PXDN: variants seen among roughly 807,000 people sequenced by gnomAD.
PXDN encodes the protein peroxidasin.
Under a neutral mutation model 140.3 loss-of-function variants are expected in PXDN, and 77 were observed. The ratio of observed to expected loss-of-function variants is 0.55; its 90% CI spans 0.46 to 0.66. PXDN has a LOEUF of 0.66. PXDN is among the 30% of genes least tolerant of loss of function. The pLI, the probability that PXDN is intolerant of heterozygous loss-of-function variation, is 0.00. For synonymous variants in PXDN, 911 were observed against 857.4 expected, an observed-to-expected ratio of 1.06 and a Z score of -1.09; for missense variants, 1,838 against 2,039.5, an observed-to-expected ratio of 0.90 and a Z score of 1.90.
In PXDN at chr2:1,682,382, A is replaced by C. The variant is rs748438135; in HGVS notation, c.560+1274T>G. On this transcript the variant is annotated intron_variant, in intron 6 of 22. Transcript: ENST00000252804. ...AAATCACATATAGTTCTGAAGGTCT[A>C]TGTTTTACTCCACTTTATTTCACTG... Among the ~76,000 whole-genome samples, 6 of 152,204 alleles carry C rather than the reference A, an allele frequency of 3.9e-5. No individual in the cohort carries two copies. In the South Asian group the frequency reaches 6.2e-4, roughly 16 times the overall value.
In PXDN at chr2:1,648,442, C is replaced by A; in HGVS notation, c.3338G>T (p.Gly1113Val). 2 of 1,610,472 alleles carry A rather than the reference C, an allele frequency of 1.2e-6. No individual in the cohort carries two copies. Among genetic ancestry groups the A allele is most frequent in the Non-Finnish European group, 1.7e-6 (2 of 1,179,822 alleles). ...CAGCCCCCTGAGAAGCGGATCGATG[C>A]CGCCCTCATTCACAATCCGGAAGGG... ...FSPFRIVNEG[G>V]IDPLLRGLFG... Residue 1113 changes from glycine to valine, a missense_variant, in exon 17 of 23, where the codon GGC becomes GTC. By Grantham distance (109) the Gly-to-Val change is moderately radical. Transcript: ENST00000252804. The surrounding 1 kb of genome is among the most constrained non-coding windows in gnomAD (Gnocchi z 8.9).
chr2:1,659,581 G>A (rs1683255276), intron 14 of PXDN, among the ~76,000 whole-genome samples: 1 of 152,052 alleles, frequency 6.6e-6, no homozygotes, highest in Non-Finnish European at 1.5e-5. Flanking sequence ...GTATTTTTGG[G>A]GGATGGAATT....
chr2:1,697,497 A>T (rs1457620704), intron 1 of PXDN, among the ~76,000 whole-genome samples: 1 of 152,266 alleles, frequency 6.6e-6, no homozygotes, highest in Non-Finnish European at 1.5e-5. Flanking sequence ...GGGCAGAATA[A>T]GACTGTGGGG....
chr2:1,649,362 C>T lies in PXDN; in HGVS notation c.2418G>A (p.Glu806=), dbSNP rs751060802. Residue 806 remains glutamate (E), a synonymous_variant, in exon 17 of 23, where the codon GAG becomes GAA. Transcript: ENST00000252804. The surrounding 1 kb of genome is among the most constrained non-coding windows in gnomAD (Gnocchi z 7.1). ...RLVSTTLIGT[E]TVTPDEQFTH... ...TGAACTGCTCGTCGGGTGTGACGGTCTCCGTCCCGATCAGGGTGGTGGACA... is the reference window on the plus strand; with the variant it reads ...TGAACTGCTCGTCGGGTGTGACGGTTTCCGTCCCGATCAGGGTGGTGGACA... 9.9e-6 allele frequency: 16 copies of T among 1,613,956 alleles called. No homozygotes were observed. Among genetic ancestry groups the T allele is most frequent in the Non-Finnish European group, 1.4e-5 (16 of 1,179,894 alleles).
chr2:1,647,896 G>A (rs1682888113), intron 17 of PXDN, among the ~76,000 whole-genome samples: 1 of 152,166 alleles, frequency 6.6e-6, no homozygotes, highest in Admixed American at 6.5e-5. Flanking sequence ...AGCTGAAAAT[G>A]TGCCACAGCT....
At chr2:1,673,883 A>G in intron 8 of PXDN, 71 bp from the exon 9 acceptor site, 1 of 1,526,096 alleles carries the variant, frequency 6.6e-7, no homozygotes. Flanking sequence ...TCCCCAGCAC[A>G]GGGGTTTCCA....
intron 1 of PXDN, among the ~76,000 whole-genome samples, chr2:1,733,690 C>T (rs953310628): frequency 4.5e-5 from 6 of 133,600 alleles, no homozygotes; most frequent in African/African-American, 1.4e-4. Context: ...TGCAGTGAGC[C>T]GAGATGGTGC....
chr2:1,684,378 G>A (rs984221878), intron 4 of PXDN, among the ~76,000 whole-genome samples: 4 of 152,160 alleles, frequency 2.6e-5, no homozygotes, highest in South Asian at 4.2e-4. Flanking sequence ...TAAGGGCGAG[G>A]GAGGCCTAGA....
In PXDN at chr2:1,649,131, A is replaced by G. The variant is rs776048018; in HGVS notation, c.2649T>C (p.Pro883=). 8 of 1,609,718 alleles carry G rather than the reference A, an allele frequency of 5.0e-6. No individual in the cohort carries two copies. The highest frequency in any genetic ancestry group is 6.8e-6 in the Non-Finnish European group (8 of 1,178,422). The change falls in exon 17 of 23, where the codon CCT becomes CCC. Residue 883 remains proline (P), a synonymous_variant. Transcript: ENST00000252804. This position sits in a 1 kb window ranked among gnomAD's most constrained non-coding sequence, Gnocchi z 7.1. ...ARCMFFVRSS[P]VCGSGMTSLL... is the part of the protein sequence containing the mutation. ...GCGAAGTCATGCCGCTGCCGCACAC[A>G]GGGCTGGAGCGCACGAAGAACATGC...
chr2:1,634,289 G>C lies in PXDN; in HGVS notation c.4355C>G (p.Pro1452Arg), dbSNP rs761143921. The change falls in exon 23 of 23, where the codon CCC becomes CGC. Residue 1452 changes from proline to arginine, a missense_variant. By Grantham distance (103) the Pro-to-Arg change is moderately radical. This residue lies in a region of PXDN where 850 missense variants were observed against 894.1 expected (regional missense o/e 0.95). Coordinates refer to ENST00000252804, the MANE Select transcript of PXDN (RefSeq NM_012293.3). ...CACGGGGACAGCACAGGTGGCAGGG[G>C]GGCAAGCTTCCACGAAGCAGGTGAC... Reference protein sequence around the residue: ...GQVTCFVEACPPATCAVPVNI... With the variant: ...GQVTCFVEACRPATCAVPVNI... The C allele has an allele frequency of 3.7e-6, 6 of 1,604,682 alleles. No individual in the cohort carries two copies. The South Asian group carries it at 4.5e-5, about 12-fold the overall frequency.
rs759416575 is a variant in PXDN, at chr2:1,663,780, C to T, written c.1409-17G>A. 2 of 1,609,600 alleles carry T rather than the reference C, an allele frequency of 1.2e-6. No individual in the cohort carries two copies. The highest frequency in any genetic ancestry group is 2.2e-5 in the South Asian group (2 of 90,970). The stretch of plus-strand genomic sequence containing the variant: ...GCTGGCTCCCTGCAAGGGCATGGGC[C>T]CGTTACACTGGACACTCGGACGCAT... On this transcript the variant is annotated splice_polypyrimidine_tract_variant and intron_variant, in intron 11 of 22. Coordinates refer to ENST00000252804, the MANE Select transcript of PXDN (RefSeq NM_012293.3).
chr2:1,700,672 G>A (rs938900645), intron 1 of PXDN, among the ~76,000 whole-genome samples: 30 of 151,936 alleles, frequency 2.0e-4, no homozygotes, highest in Non-Finnish European at 3.5e-4. Flanking sequence ...TCAGGAGTTC[G>A]AGACCAGCTT....
chr2:1,687,175 A>T lies in PXDN; in HGVS notation c.416+457T>A, dbSNP rs1410053762. On this transcript the variant is annotated intron_variant, in intron 4 of 22. Coordinates refer to ENST00000252804, the MANE Select transcript of PXDN (RefSeq NM_012293.3). The surrounding 1 kb of genome is among the most constrained non-coding windows in gnomAD (Gnocchi z 4.0). ...TTTTCTCCAAAATAATGTCACCACA[A>T]TTGAAGAAATTCAGCTTCATGTGTT... 1.3e-5 allele frequency among the ~76,000 whole-genome samples: 2 copies of T among 152,372 alleles called. No individual in the cohort carries two copies. The highest frequency in any genetic ancestry group is 2.4e-5 in the African/African-American group (1 of 41,588).
Position 1,648,907 on chromosome 2 carries a change from T to G in PXDN, c.2873A>C (p.Glu958Ala). ...GCTCTCGTTCTCGTCCCGCATGCACTCCGTGGGCGGCCCGGTGGCGAAGGG... is the reference window on the plus strand; with the variant it reads ...GCTCTCGTTCTCGTCCCGCATGCACGCCGTGGGCGGCCCGGTGGCGAAGGG... ...LLPFATGPPT[E>A]CMRDENESPI... is the part of the protein sequence containing the mutation. Residue 958 changes from glutamate to alanine, a missense_variant, in exon 17 of 23, where the codon GAG becomes GCG. Physicochemically the swap from Glu to Ala is moderately radical, Grantham distance 107. Coordinates refer to ENST00000252804, the MANE Select transcript of PXDN (RefSeq NM_012293.3). The surrounding 1 kb of genome is among the most constrained non-coding windows in gnomAD (Gnocchi z 8.9). 1 of 1,599,302 alleles carries G rather than the reference T, an allele frequency of 6.3e-7. No individual in the cohort carries two copies. The highest frequency in any genetic ancestry group is 1.1e-5 in the South Asian group (1 of 90,254).
intron 7 of PXDN, among the ~76,000 whole-genome samples, chr2:1,679,629 CGT>C (rs1179616412): frequency 9.4e-4 from 36 of 38,394 alleles, no homozygotes; most frequent in East Asian, 2.4e-3. Context: ...TGTGTCTGCA[CGT>C]GTGTGTGTCT....
intron 9 of PXDN, among the ~76,000 whole-genome samples, chr2:1,670,468 G>C (rs1472874879): frequency 6.6e-6 from 1 of 152,154 alleles, no homozygotes; most frequent in Non-Finnish European, 1.5e-5. Flanking sequence ...AATAGGAGTT[G>C]AGCGGATGAC....
intron 19 of PXDN, 110 bp downstream of exon 19, chr2:1,643,258 G>T (rs527590386): frequency 2.7e-6 from 3 of 1,127,842 alleles, no homozygotes; most frequent in East Asian, 2.4e-5. Context: ...TGAATATTTT[G>T]TTTTCAGTTT....
At chr2:1,678,118 G>A (rs989452893) in intron 7 of PXDN, among the ~76,000 whole-genome samples, 3 of 152,210 alleles carry the variant, frequency 2.0e-5, no homozygotes, top group East Asian at 1.9e-4. Flanking sequence ...CTGTGCTCCC[G>A]TCACTCTGGG....
At chr2:1,708,103 CA>C (rs1398762329) in intron 1 of PXDN, among the ~76,000 whole-genome samples, 1 of 152,148 alleles carries the variant, frequency 6.6e-6, no homozygotes, top group Non-Finnish European at 1.5e-5. Context: ...ACCTCCCCGC[CA>C]AGTAAACCCG....
Sources: allele counts gnomAD v4.1 joint callset (sites outside exome capture counted in the v4.1 genomes callset), GRCh38; gene constraint gnomAD v4.1.1; regional missense constraint gnomAD v4.1.1; non-coding constraint Gnocchi (gnomAD v3.1); transcripts MANE v1.5; gene names NCBI Gene and HGNC (gene_info 2026-07-23, HGNC 2026-07-21).